AFF3: variants seen among roughly 807,000 people sequenced by gnomAD.
The protein encoded by AFF3 is ALF transcription elongation factor 3.
In AFF3, 32 loss-of-function variants were observed where a neutral mutation model predicts 129.7. The observed-to-expected ratio is 0.25, with a 90% confidence interval of 0.19 to 0.33. AFF3 has a LOEUF of 0.33. Ranked by LOEUF, AFF3 falls within the 10% of genes least tolerant of loss-of-function variation. The pLI is 1.00. For synonymous variants in AFF3, 644 were observed against 635.4 expected (o/e 1.01, Z -0.20); for missense variants, 1,373 against 1,592.0 (o/e 0.86, Z 2.34).
intron 7 of AFF3, among the ~76,000 whole-genome samples, chr2:99,980,660 GTTAA>G (rs1343875247): frequency 3.3e-5 from 5 of 152,066 alleles, no homozygotes; most frequent in Non-Finnish European, 5.9e-5. Flanking sequence ...CTTTATCCAG[GTTAA>G]TTCTCTTAAA....
At chr2:99,736,896 C>T (rs1680310538) in intron 10 of AFF3, among the ~76,000 whole-genome samples, 1 of 152,140 alleles carries the variant, frequency 6.6e-6, no homozygotes, top group Admixed American at 6.5e-5. Context: ...AGGCGTGAGC[C>T]ACCACGCCCG....
At chr2:99,860,552 T>TCAAAAG (rs1553467885) in intron 7 of AFF3, among the ~76,000 whole-genome samples, 1 of 148,696 alleles carries the variant, frequency 6.7e-6, no homozygotes, top group African/African-American at 2.5e-5. Context: ...AGACTCTGTC[T>TCAAAAG]CAAAAAACAA....
Position 99,575,414 on chromosome 2 carries a change from A to ATTTTT in AFF3, c.2918+2908_2918+2912dup, listed in dbSNP as rs540441950. On this transcript the variant is annotated intron_variant, in intron 18 of 24. Transcript: ENST00000672756. ...AGCTGGGATTACAGGTGCCTGGCTA[A>ATTTTT]TTTTTTTTTTTTTTTTTTGTATTTT... 5.1e-3 allele frequency among the ~76,000 whole-genome samples: 656 copies of ATTTTT among 127,426 alleles called. 4 individuals carry two copies. Among genetic ancestry groups the ATTTTT allele is most frequent in the Middle Eastern group, 0.012 (3 of 248 alleles). The allele number at this position is 127,426 out of a possible 152,430, so 83.6% of individuals were successfully genotyped here.
In AFF3 at chr2:99,632,008, C is replaced by CTTTTT. The variant is rs745651225; in HGVS notation, c.1184+17613_1184+17617dup. Among the ~76,000 whole-genome samples the CTTTTT allele has an allele frequency of 3.0e-4, 23 of 76,910 alleles. 2 individuals carry two copies. The highest frequency in any genetic ancestry group is 6.0e-4 in the African/African-American group (11 of 18,384). 50.5% of individuals were successfully genotyped at this position (76,910 alleles called of 152,430 possible). ...CAATTTATCCACAACCTTGCCAACA[C>CTTTTT]TTTTTTTTTTTTTTTTTTTTTTTTT... On this transcript the variant is annotated intron_variant, in intron 13 of 24. Coordinates refer to ENST00000672756, the MANE Select transcript of AFF3 (RefSeq NM_001386135.1).
chr2:99,606,915 C>CAAA (rs10680840), intron 13 of AFF3, among the ~76,000 whole-genome samples: 804 of 60,492 alleles, frequency 0.013, 18 homozygotes, highest in African/African-American at 0.018. Flanking sequence ...CTCCGTCTCA[C>CAAA]AAAAAAAAAA....
At chr2:99,604,752 C>T (rs1157536469) in intron 13 of AFF3, among the ~76,000 whole-genome samples, 1 of 152,094 alleles carries the variant, frequency 6.6e-6, no homozygotes, top group Admixed American at 6.5e-5. Flanking sequence ...GGTTGGGGGA[C>T]ATAGATGTGG....
intron 8 of AFF3, among the ~76,000 whole-genome samples, chr2:99,757,421 C>T (rs1186061979): frequency 6.6e-6 from 1 of 152,166 alleles, no homozygotes; most frequent in African/African-American, 2.4e-5. Flanking sequence ...ATGCCAGATT[C>T]CTTCTCTTTC....
rs1161828265 is a variant in AFF3 at position 99,653,802 on chromosome 2, T to C, written c.1144-4136A>G. Reference sequence around the variant, plus strand: ...CTCTGTTGATTCTTCACTCTTCCAATCTGTCACATGATGTATGCTACCACG... The same window carrying C: ...CTCTGTTGATTCTTCACTCTTCCAACCTGTCACATGATGTATGCTACCACG... On this transcript the variant is annotated intron_variant, in intron 12 of 24. Coordinates refer to ENST00000672756, the MANE Select transcript of AFF3 (RefSeq NM_001386135.1). 2.0e-5 allele frequency among the ~76,000 whole-genome samples: 3 copies of C among 151,286 alleles called. No homozygotes were observed. In the East Asian group the frequency reaches 5.9e-4, roughly 30 times the overall value.
At chr2:100,118,022 C>T (rs898391220) in intron 2 of AFF3, among the ~76,000 whole-genome samples, 1 of 152,190 alleles carries the variant, frequency 6.6e-6, no homozygotes, top group African/African-American at 2.4e-5. Flanking sequence ...GTTTGCCTCT[C>T]TTCCACCACC....
chr2:99,852,694 G>T (rs563274997), intron 7 of AFF3, among the ~76,000 whole-genome samples: 6 of 152,178 alleles, frequency 3.9e-5, no homozygotes, highest in Non-Finnish European at 1.5e-5. Context: ...ATTTTAGATA[G>T]TGACAAGTAC....
intron 8 of AFF3, among the ~76,000 whole-genome samples, chr2:99,821,692 G>C (rs974797300): frequency 6.6e-6 from 1 of 152,182 alleles, no homozygotes; most frequent in Non-Finnish European, 1.5e-5. Context: ...TATGTGCTGG[G>C]CTTTTATCCG....
intron 8 of AFF3, among the ~76,000 whole-genome samples, chr2:99,829,841 T>TGCAGC (rs1194463790): frequency 1.3e-5 from 2 of 152,342 alleles, no homozygotes; most frequent in East Asian, 3.9e-4. Flanking sequence ...GTATGTTTAC[T>TGCAGC]GCAGCACTAT....
chr2:100,016,112 T>G (rs375680966), intron 4 of AFF3, among the ~76,000 whole-genome samples: 2,974 of 150,712 alleles, frequency 0.02, 104 homozygotes, highest in African/African-American at 0.069. Flanking sequence ...ATGGTGGTGG[T>G]GGTAGCAATG....
In AFF3 at chr2:99,922,965, A is replaced by G. The variant is rs1208179873; in HGVS notation, c.873+83667T>C. Among the ~76,000 whole-genome samples the G allele has an allele frequency of 2.6e-5, 4 of 152,214 alleles. No individual in the cohort carries two copies. In the South Asian group the frequency reaches 8.3e-4, roughly 32 times the overall value. ...ATGCTTCTCGAACGTAGTATACTACATTCATGCTTATGCCATTCGTTCCTA... is the reference window on the plus strand; with the variant it reads ...ATGCTTCTCGAACGTAGTATACTACGTTCATGCTTATGCCATTCGTTCCTA... On this transcript the variant is annotated intron_variant, in intron 7 of 24. Transcript: ENST00000672756.
chr2:99,582,012 G>A (rs1420406589), intron 17 of AFF3, among the ~76,000 whole-genome samples: 1 of 151,810 alleles, frequency 6.6e-6, no homozygotes. Flanking sequence ...CTGCCACCAC[G>A]CTAGGCTAAT....
chr2:99,927,708 C>T (rs1465933134), intron 7 of AFF3, among the ~76,000 whole-genome samples: 3 of 152,082 alleles, frequency 2.0e-5, no homozygotes, highest in South Asian at 2.1e-4. Flanking sequence ...AACAAACTTG[C>T]CCATGTACCC....
At chr2:99,757,528 C>A (rs568960286) in intron 8 of AFF3, among the ~76,000 whole-genome samples, 87 of 152,142 alleles carry the variant, frequency 5.7e-4, no homozygotes, top group Non-Finnish European at 1.1e-3. Flanking sequence ...TTGCTTAATT[C>A]TCATACCCAC....
At position 99,601,447 on chromosome 2, in the gene AFF3, G is replaced by C; in HGVS notation, c.1359C>G (p.Phe453Leu). ...SESEGSKPPH[F>L]SSPEAEPASS... ...AGGCAGCGCTTACCTCGGGGCTGGA[G>C]AAGTGGGGGGGCTTGCTGCCCTCAC... The change falls in exon 14 of 25, where the codon TTC becomes TTG. Residue 453 changes from phenylalanine to leucine, a missense_variant. Phe to Leu is a conservative substitution (Grantham distance 22). Coordinates refer to ENST00000672756, the MANE Select transcript of AFF3 (RefSeq NM_001386135.1). 1 of 1,606,952 alleles carries C rather than the reference G, an allele frequency of 6.2e-7. No homozygotes were observed. Among genetic ancestry groups the C allele is most frequent in the Non-Finnish European group, 8.5e-7 (1 of 1,175,930 alleles).
intron 7 of AFF3, among the ~76,000 whole-genome samples, chr2:99,929,525 T>C (rs1284701697): frequency 6.6e-6 from 1 of 152,226 alleles, no homozygotes; most frequent in Non-Finnish European, 1.5e-5. Context: ...TGCTTATTTA[T>C]TTTTATTTAT....
Sources: gnomAD v4.1 joint callset for allele counts (sites outside exome capture counted in the v4.1 genomes callset) on GRCh38, gnomAD v4.1.1 for gene constraint, MANE v1.5 for transcripts, NCBI Gene and HGNC (gene_info 2026-07-23, HGNC 2026-07-21) for gene names.